The following ADGRL1 variants were observed in gnomAD, a reference collection of about 807,000 sequenced individuals.
ADGRL1 encodes the protein adhesion G protein-coupled receptor L1.
Under a neutral mutation model 148.9 loss-of-function variants are expected in ADGRL1, and 31 were observed. That is an observed-to-expected ratio of 0.21 (90% CI 0.16 to 0.28). The LOEUF (loss-of-function observed/expected upper bound fraction) is 0.28, where lower values mean the gene tolerates loss of function less well. Ranked by LOEUF, ADGRL1 falls within the 10% of genes least tolerant of loss-of-function variation. The pLI, the probability that ADGRL1 is intolerant of heterozygous loss-of-function variation, is 1.00. For missense variants in ADGRL1, 1,521 were observed against 2,058.8 expected, an observed-to-expected ratio of 0.74 and a Z score of 5.05; for synonymous variants, 937 against 900.3, an observed-to-expected ratio of 1.04 and a Z score of -0.73.
intron 4 of ADGRL1, among the ~76,000 whole-genome samples, chr19:14,165,184 G>A (rs1356673277): frequency 6.6e-6 from 1 of 152,218 alleles, no homozygotes; most frequent in African/African-American, 2.4e-5. Flanking sequence ...AAAGCAGCCA[G>A]GATGTAGTTT....
At chr19:14,183,825 G>C (rs1210019556) in intron 1 of ADGRL1, 128 bp from the exon 2 acceptor site, 4 of 550,568 alleles carry the variant, frequency 7.3e-6, no homozygotes, top group Admixed American at 3.4e-5. Context: ...CCTATCTGTA[G>C]GGCCCCCTCC....
chr19:14,169,027 T>C (rs1249870323), intron 4 of ADGRL1: 1 of 152,278 alleles, frequency 6.6e-6, no homozygotes, highest in Non-Finnish European at 1.5e-5. Context: ...TCGCTACTCC[T>C]TGTGGCTTCC....
intron 1 of ADGRL1, among the ~76,000 whole-genome samples, chr19:14,184,884 C>T (rs939594224): frequency 2.6e-5 from 4 of 152,070 alleles, no homozygotes; most frequent in African/African-American, 9.7e-5. Context: ...CGTGATCCGC[C>T]CGTCTCGGCC....
chr19:14,170,615 AG>A, intron 4 of ADGRL1, 66 bp downstream of exon 4: 1 of 940,302 alleles, frequency 1.1e-6, no homozygotes, highest in South Asian at 1.4e-5. Flanking sequence ...TGATGGGTCA[AG>A]GTGTCTCCTC....
intron 3 of ADGRL1, among the ~76,000 whole-genome samples, chr19:14,171,543 G>C (rs539079126): frequency 6.6e-6 from 1 of 152,292 alleles, no homozygotes; most frequent in African/African-American, 2.4e-5. Context: ...TAAAGCCCCT[G>C]CGCTGTTCAC....
Position 14,183,702 on chromosome 19 carries a change from G to A in ADGRL1, c.-95-5C>T. 2.9e-6 allele frequency: 3 copies of A among 1,048,062 alleles called. No homozygotes were observed. The highest frequency in any genetic ancestry group is 1.4e-6 in the Non-Finnish European group (1 of 720,456). The allele number at this position is 1,048,062 out of a possible 1,614,324, so 64.9% of individuals were successfully genotyped here. On this transcript the variant is annotated splice_polypyrimidine_tract_variant and splice_region_variant and intron_variant, in intron 1 of 22. Coordinates refer to ENST00000361434, the MANE Select transcript of ADGRL1 (RefSeq NM_014921.5). ...ACCACGGCCTGGACCACCAGCCTGG[G>A]GGAGGACAGGGAGACTGAGGTGGGG...
At chr19:14,204,713 TGAGAGAGAGA>T (rs74181774) in intron 1 of ADGRL1, among the ~76,000 whole-genome samples, 1,798 of 142,990 alleles carry the variant, frequency 0.013, 13 homozygotes, top group Non-Finnish European at 0.021. Context: ...ACAGAGAGAG[TGAGAGAGAGA>T]GAGAGAGAGA....
intron 1 of ADGRL1, among the ~76,000 whole-genome samples, chr19:14,196,423 A>G (rs1032190728): frequency 9.2e-5 from 14 of 152,248 alleles, no homozygotes; most frequent in Admixed American, 3.3e-4. Flanking sequence ...GTTCCAGACC[A>G]GCCTGGGGAA....
chr19:14,181,327 T>C (rs982854291), intron 2 of ADGRL1, among the ~76,000 whole-genome samples: 4 of 152,244 alleles, frequency 2.6e-5, no homozygotes, highest in Non-Finnish European at 5.9e-5. Flanking sequence ...AGAATGCAGA[T>C]TCGGGCCCCA....
rs375068484 is a variant in ADGRL1, at chr19:14,163,126, C to T, written c.675G>A (p.Thr225=). 98 of 1,613,922 alleles carry T rather than the reference C, an allele frequency of 6.1e-5. No individual in the cohort carries two copies. In the African/African-American group the frequency reaches 8.7e-4, roughly 14 times the overall value. ...DGAVFYNKER[T]RNIVKYDLRT... Reference sequence around the variant, plus strand: ...GTAGGTCATACTTGACGATGTTGCGCGTGCGCTCCTTGTTGTAGAAGACGG... The same window carrying T: ...GTAGGTCATACTTGACGATGTTGCGTGTGCGCTCCTTGTTGTAGAAGACGG... The change falls in exon 5 of 23, where the codon ACG becomes ACA. Residue 225 remains threonine (T), a synonymous_variant. Coordinates refer to ENST00000361434, the MANE Select transcript of ADGRL1 (RefSeq NM_014921.5).
rs775681408 is a variant in ADGRL1, at chr19:14,152,299, G to T, written c.3649+10C>A. 13 of 1,602,364 alleles carry T rather than the reference G, an allele frequency of 8.1e-6. No homozygotes were observed. The highest frequency in any genetic ancestry group is 1.1e-5 in the Non-Finnish European group (13 of 1,172,920). On this transcript the variant is annotated intron_variant, in intron 21 of 22. Coordinates refer to ENST00000361434, the MANE Select transcript of ADGRL1 (RefSeq NM_014921.5). The surrounding 1 kb of genome is among the most constrained non-coding windows in gnomAD (Gnocchi z 6.1). ...TTTCCCAACCTGGGATGTTTCCCCC[G>T]TGCTCTCACCTGGGGAGTTGAAGAC...
In ADGRL1 at chr19:14,170,723, G is replaced by A. The variant is rs1188273603; in HGVS notation, c.353C>T (p.Thr118Ile). 1.9e-6 allele frequency: 3 copies of A among 1,613,476 alleles called. No homozygotes were observed. Among genetic ancestry groups the A allele is most frequent in the Non-Finnish European group, 2.5e-6 (3 of 1,179,606 alleles). ...SDAFPDPCPGTYKYLEVQYDC... is the reference protein window; with the variant it reads ...SDAFPDPCPGIYKYLEVQYDC... Reference sequence around the variant, plus strand: ...GTACTGCACCTCCAGGTACTTGTAGGTCCCAGGACAGGGGTCAGGAAAGGC... The same window carrying A: ...GTACTGCACCTCCAGGTACTTGTAGATCCCAGGACAGGGGTCAGGAAAGGC... The change falls in exon 4 of 23, where the codon ACC becomes ATC. Residue 118 changes from threonine to isoleucine, a missense_variant. This residue lies in a region of ADGRL1 where 334 missense variants were observed against 512.5 expected (regional missense o/e 0.65). Transcript: ENST00000361434.
rs749565064 is a variant in ADGRL1 at position 14,151,168 on chromosome 19, G to A, written c.4115C>T (p.Ser1372Phe). 6.2e-7 allele frequency: 1 copy of A among 1,609,212 alleles called. No individual in the cohort carries two copies. Among genetic ancestry groups the A allele is most frequent in the South Asian group, 1.1e-5 (1 of 90,720 alleles). The change falls in exon 23 of 23, where the codon TCC (serine) becomes TTC (phenylalanine). Residue 1372 changes from serine (S) to phenylalanine (F), a missense_variant. By Grantham distance (155) the Ser-to-Phe change is radical. Transcript: ENST00000361434. ...EDGATSRPLS[S>F]PPGRDSLYAS... Reference sequence around the variant, plus strand: ...ATAGAGGGAGTCCCGGCCAGGAGGGGAGGAGAGGGGCCGGCTGGTGGCGCC... The same window carrying A: ...ATAGAGGGAGTCCCGGCCAGGAGGGAAGGAGAGGGGCCGGCTGGTGGCGCC...
intron 11 of ADGRL1, 108 bp from the exon 12 acceptor site, chr19:14,158,660 G>T: frequency 1.2e-6 from 1 of 865,184 alleles, no homozygotes; most frequent in Non-Finnish European, 1.8e-6. Context: ...TGGCCACGCT[G>T]GCCACTGGGA....
intron 4 of ADGRL1, chr19:14,167,096 GA>G (rs956169815): frequency 5.7e-5 from 74 of 1,301,428 alleles, no homozygotes; most frequent in Admixed American, 1.2e-4. Context: ...GAAAAAAAGA[GA>G]AAAAAAAAGA....
chr19:14,170,964 G>C, intron 3 of ADGRL1, 173 bp from the exon 4 acceptor site: 1 of 568,206 alleles, frequency 1.8e-6, no homozygotes, highest in South Asian at 2.0e-5. Context: ...ATCTCATGTT[G>C]AATTGTGATC....
chr19:14,190,073 G>A (rs534612711), intron 1 of ADGRL1, among the ~76,000 whole-genome samples: 1 of 152,226 alleles, frequency 6.6e-6, no homozygotes, highest in South Asian at 2.1e-4. Context: ...GGCTACGGGT[G>A]GGCACCACCG....
At chr19:14,156,401 G>A (rs915949432) in intron 16 of ADGRL1, among the ~76,000 whole-genome samples, 200 bp from the exon 17 acceptor site, 1 of 152,086 alleles carries the variant, frequency 6.6e-6, no homozygotes, top group African/African-American at 2.4e-5. Flanking sequence ...ACTCCTGGCT[G>A]CTGGGAGGAC....
chr19:14,157,008 G>A lies in ADGRL1; in HGVS notation c.2883C>T (p.Tyr961=). ...CCGGGAAGCAGTAGCCACCCAGGTAGTAGTACTTGGTGCGGGAATACTCGC... is the reference window on the plus strand; with the variant it reads ...CCGGGAAGCAGTAGCCACCCAGGTAATAGTACTTGGTGCGGGAATACTCGC... The part of the protein sequence containing the change: ...FESEYSRTKY[Y]YLGGYCFPAL... The change falls in exon 15 of 23, where the codon TAC becomes TAT. Residue 961 remains tyrosine (Y), a synonymous_variant. Coordinates refer to ENST00000361434, the MANE Select transcript of ADGRL1 (RefSeq NM_014921.5). This position sits in a 1 kb window ranked among gnomAD's most constrained non-coding sequence, Gnocchi z 7.5. 6.2e-7 allele frequency: 1 copy of A among 1,614,012 alleles called. No homozygotes were observed. Among genetic ancestry groups the A allele is most frequent in the Non-Finnish European group, 8.5e-7 (1 of 1,179,976 alleles).
Sources: allele counts gnomAD v4.1 joint callset (sites outside exome capture counted in the v4.1 genomes callset), GRCh38; gene constraint gnomAD v4.1.1; regional missense constraint gnomAD v4.1.1; non-coding constraint Gnocchi (gnomAD v3.1); transcripts MANE v1.5; gene names NCBI Gene and HGNC (gene_info 2026-07-23, HGNC 2026-07-21).